NRXN3: variants seen among roughly 807,000 people sequenced by gnomAD.
The protein encoded by NRXN3 is neurexin 3.
A neutral mutation model predicts 137.6 loss-of-function variants in NRXN3; 32 were observed. The observed-to-expected ratio is 0.23, with a 90% CI of 0.18 to 0.31. NRXN3 has a LOEUF of 0.31. Ranked by LOEUF, NRXN3 falls within the 10% of genes least tolerant of loss-of-function variation. NRXN3 has a pLI of 1.00. For missense variants in NRXN3, 1,574 were observed against 2,062.5 expected (o/e 0.76, Z 4.59); for synonymous variants, 798 against 784.5 (o/e 1.02, Z -0.29).
At chr14:78,672,498 A>C (rs1002770544) in intron 6 of NRXN3, among the ~76,000 whole-genome samples, 1 of 152,204 alleles carries the variant, frequency 6.6e-6, no homozygotes, top group Non-Finnish European at 1.5e-5. Flanking sequence ...TGCTATGTGG[A>C]TGCTTCCCTA....
intron 4 of NRXN3, among the ~76,000 whole-genome samples, chr14:78,481,861 A>G (rs1219806291): frequency 3.9e-5 from 6 of 152,110 alleles, no homozygotes; most frequent in Admixed American, 6.6e-5. Context: ...CTTTTATATT[A>G]TAGAGTTCTT....
At chr14:79,347,855 A>T (rs1269374633) in intron 15 of NRXN3, among the ~76,000 whole-genome samples, 1 of 152,220 alleles carries the variant, frequency 6.6e-6, no homozygotes, top group South Asian at 2.1e-4. Flanking sequence ...TGTGGAAAGC[A>T]TTCTTGGCCC....
At chr14:79,358,819 C>T (rs920418481) in intron 15 of NRXN3, among the ~76,000 whole-genome samples, 3 of 152,018 alleles carry the variant, frequency 2.0e-5, no homozygotes, top group Non-Finnish European at 4.4e-5. Flanking sequence ...GGCCAAACCA[C>T]TACTAACTCT....
At chr14:79,803,997 G>A in intron 19 of NRXN3, among the ~76,000 whole-genome samples, 1 of 148,746 alleles carries the variant, frequency 6.7e-6, no homozygotes, top group African/African-American at 2.5e-5. Flanking sequence ...ATATATGTAT[G>A]TATGTATGTA....
intron 4 of NRXN3, among the ~76,000 whole-genome samples, chr14:78,526,260 C>T (rs2096377256): frequency 6.6e-6 from 1 of 152,192 alleles, no homozygotes; most frequent in Non-Finnish European, 1.5e-5. Context: ...TGGACATCTG[C>T]CGTGCAGAAT....
At chr14:78,695,149 A>T (rs564611742) in intron 6 of NRXN3, among the ~76,000 whole-genome samples, 1 of 151,962 alleles carries the variant, frequency 6.6e-6, no homozygotes, top group Admixed American at 6.6e-5. Flanking sequence ...CCATATTCAC[A>T]TCATCTCTCT....
chr14:79,168,866 G>A (rs941973389), intron 15 of NRXN3, among the ~76,000 whole-genome samples: 1 of 152,034 alleles, frequency 6.6e-6, no homozygotes, highest in Non-Finnish European at 1.5e-5. Context: ...ATCGTTTCCT[G>A]TGCTACTAAG....
chr14:78,486,711 A>G (rs1288525290), intron 4 of NRXN3, among the ~76,000 whole-genome samples: 1 of 152,188 alleles, frequency 6.6e-6, no homozygotes, highest in African/African-American at 2.4e-5. Context: ...TATTAGAGAT[A>G]ACTACATCAC....
At chr14:78,329,392 G>A (rs1304754345) in intron 4 of NRXN3, among the ~76,000 whole-genome samples, 1 of 152,062 alleles carries the variant, frequency 6.6e-6, no homozygotes, top group Non-Finnish European at 1.5e-5. Context: ...AAAAAAGTAG[G>A]AAATAAATTG....
chr14:78,928,185 T>C (rs2099311447), intron 10 of NRXN3, among the ~76,000 whole-genome samples: 1 of 152,082 alleles, frequency 6.6e-6, no homozygotes, highest in South Asian at 2.1e-4. Context: ...CCCAAATAAA[T>C]GACATGCTCC....
intron 19 of NRXN3, among the ~76,000 whole-genome samples, chr14:79,755,337 G>A (rs10142357): frequency 0.071 from 10,846 of 151,860 alleles, 451 homozygotes; most frequent in South Asian, 0.15. Context: ...CGGTTTATAT[G>A]AATATCATTC....
chr14:78,844,336 A>C (rs1273501271), intron 10 of NRXN3, among the ~76,000 whole-genome samples: 1 of 151,696 alleles, frequency 6.6e-6, no homozygotes, highest in Admixed American at 6.6e-5. Flanking sequence ...GGTAATAGTC[A>C]CTCTTTTGCC....
chr14:79,587,684 C>T (rs1394827476), intron 16 of NRXN3, among the ~76,000 whole-genome samples: 1 of 152,158 alleles, frequency 6.6e-6, no homozygotes, highest in East Asian at 1.9e-4. Flanking sequence ...TACCCAATTT[C>T]TGGATTAAGA....
At chr14:78,346,717 C>G (rs1437790529) in intron 4 of NRXN3, among the ~76,000 whole-genome samples, 1 of 152,172 alleles carries the variant, frequency 6.6e-6, no homozygotes, top group Non-Finnish European at 1.5e-5. Flanking sequence ...CCCAAACCAC[C>G]TAACCCACCA....
At chr14:79,286,660 A>G (rs192992502) in intron 15 of NRXN3, among the ~76,000 whole-genome samples, 1 of 151,710 alleles carries the variant, frequency 6.6e-6, no homozygotes, top group East Asian at 1.9e-4. Context: ...TGTGCTCAAA[A>G]TGCGTGCTGA....
intron 14 of NRXN3, among the ~76,000 whole-genome samples, chr14:78,985,721 A>G (rs2099501662): frequency 6.6e-6 from 1 of 152,238 alleles, no homozygotes; most frequent in Non-Finnish European, 1.5e-5. Flanking sequence ...GTACAATTGA[A>G]TTACTAGCCA....
chr14:78,351,790 T>C (rs1472478713), intron 4 of NRXN3, among the ~76,000 whole-genome samples: 6 of 151,160 alleles, frequency 4.0e-5, no homozygotes, highest in African/African-American at 1.5e-4. Flanking sequence ...TTCTTTTTTT[T>C]TTTTTTTTGC....
intron 15 of NRXN3, among the ~76,000 whole-genome samples, chr14:79,108,746 CAAAA>C (rs1419917376): frequency 6.6e-6 from 1 of 152,014 alleles, no homozygotes; most frequent in Non-Finnish European, 1.5e-5. Flanking sequence ...CATACATACT[CAAAA>C]ATAACTTGAA....
At chr14:79,801,315 C>T (rs2140496053) in intron 19 of NRXN3, among the ~76,000 whole-genome samples, 1 of 152,170 alleles carries the variant, frequency 6.6e-6, no homozygotes, top group Admixed American at 6.5e-5. Context: ...GCAGGTGCAA[C>T]CAGAAATAGT....
Sources: allele counts gnomAD v4.1 joint callset (sites outside exome capture counted in the v4.1 genomes callset), GRCh38; gene constraint gnomAD v4.1.1; transcripts MANE v1.5; gene names NCBI Gene and HGNC (gene_info 2026-07-23, HGNC 2026-07-21).